ATP10B: variants seen among roughly 807,000 people sequenced by gnomAD.
ATP10B encodes phospholipid-transporting ATPase VB.
ATP10B carries 122 observed loss-of-function variants against 141.2 expected under a neutral mutation model. That is an observed-to-expected ratio of 0.86 (90% CI 0.75 to 1.00). The LOEUF (loss-of-function observed/expected upper bound fraction) is 1.00, where lower values mean the gene tolerates loss of function less well. ATP10B is among the 50% of genes least tolerant of loss of function. The pLI is 0.00. For missense variants in ATP10B, 1,876 were observed against 1,825.3 expected, an observed-to-expected ratio of 1.03 and a Z score of -0.51; for synonymous variants, 685 against 692.0, an observed-to-expected ratio of 0.99 and a Z score of 0.16.
intron 2 of ATP10B, among the ~76,000 whole-genome samples, chr5:160,736,524 G>T (rs573143781): frequency 6.6e-6 from 1 of 152,340 alleles, no homozygotes; most frequent in African/African-American, 2.4e-5. Flanking sequence ...AGCACTTTGG[G>T]AGGCCAAGGC....
chr5:160,778,535 A>G (rs1158965121), intron 2 of ATP10B, among the ~76,000 whole-genome samples: 1 of 152,186 alleles, frequency 6.6e-6, no homozygotes, highest in East Asian at 1.9e-4. Context: ...ACTCTATCCC[A>G]TAAGCCCACT....
chr5:160,623,500 AT>A (rs1259242457), intron 13 of ATP10B, among the ~76,000 whole-genome samples: 1 of 151,016 alleles, frequency 6.6e-6, no homozygotes, highest in African/African-American at 2.4e-5. Flanking sequence ...ATTTTTCAAG[AT>A]AAAGCAAAGA....
At chr5:160,830,217 C>G (rs980384095) in intron 1 of ATP10B, among the ~76,000 whole-genome samples, 1 of 152,012 alleles carries the variant, frequency 6.6e-6, no homozygotes, top group African/African-American at 2.4e-5. Context: ...GCTTTTAATT[C>G]TGTTTATGTG....
intron 2 of ATP10B, among the ~76,000 whole-genome samples, chr5:160,760,956 AG>A (rs1175947682): frequency 6.6e-6 from 1 of 152,146 alleles, no homozygotes; most frequent in Non-Finnish European, 1.5e-5. Context: ...AAGATAAAAG[AG>A]ATACTCTCTT....
At chr5:160,796,990 A>G (rs1053163546) in intron 1 of ATP10B, among the ~76,000 whole-genome samples, 7 of 152,202 alleles carry the variant, frequency 4.6e-5, no homozygotes, top group Non-Finnish European at 8.8e-5. Context: ...GCAGGAATCT[A>G]GAGAAAACTT....
chr5:160,667,650 G>A (rs983978616), intron 7 of ATP10B, among the ~76,000 whole-genome samples: 9 of 152,106 alleles, frequency 5.9e-5, no homozygotes, highest in African/African-American at 1.9e-4. Context: ...AGAACTGAGG[G>A]TTAGGGTTGG....
intron 1 of ATP10B, among the ~76,000 whole-genome samples, chr5:160,803,501 C>A (rs1425496944): frequency 6.6e-6 from 1 of 152,020 alleles, no homozygotes; most frequent in Non-Finnish European, 1.5e-5. Context: ...CATGGTGAAA[C>A]CCCGTCCCTA....
intron 1 of ATP10B, among the ~76,000 whole-genome samples, chr5:160,830,700 C>G (rs1775008119): frequency 6.6e-6 from 1 of 151,788 alleles, no homozygotes; most frequent in Non-Finnish European, 1.5e-5. Flanking sequence ...GTTCCATTAT[C>G]TGTAGAGTAG....
rs189100489 is a variant in ATP10B at position 160,850,055 on chromosome 5, A to G, written c.-576+1886T>C. Among the ~76,000 whole-genome samples the G allele has an allele frequency of 2.0e-3, 308 of 152,246 alleles. 1 individual carries two copies. Among genetic ancestry groups the G allele is most frequent in the Non-Finnish European group, 2.8e-3 (191 of 68,020 alleles). ...AGTTTTAGTTTACTTTTGAGTCACA[A>G]AAGAAATTTTCATTCCCTTCTGACA... On this transcript the variant is annotated intron_variant, in intron 1 of 25. Coordinates refer to ENST00000327245, the MANE Select transcript of ATP10B (RefSeq NM_025153.3).
At chr5:160,572,746 T>C (rs1277610131) in intron 24 of ATP10B, among the ~76,000 whole-genome samples, 1 of 152,212 alleles carries the variant, frequency 6.6e-6, no homozygotes, top group Non-Finnish European at 1.5e-5. Context: ...TTGGAAAATA[T>C]CTTGGACTAG....
At chr5:160,903,013 T>C in the ATP10B span, among the ~76,000 whole-genome samples, 1 of 152,126 alleles carries the variant, frequency 6.6e-6, no homozygotes, top group South Asian at 2.1e-4. Context: ...AGAAGAGAAA[T>C]GTCAGCAACT....
the ATP10B span, among the ~76,000 whole-genome samples, chr5:160,861,512 G>T: frequency 2.0e-5 from 3 of 151,848 alleles, no homozygotes; most frequent in African/African-American, 7.2e-5. Context: ...ACAAAAGGGG[G>T]TCACAAAATA....
chr5:160,616,061 G>A, intron 16 of ATP10B, 97 bp from the exon 17 acceptor site: 1 of 1,377,136 alleles, frequency 7.3e-7, no homozygotes, highest in Non-Finnish European at 9.7e-7. Context: ...TGGCCTGTTT[G>A]AACTTCCCTA....
chr5:160,575,508 C>A (rs1421972301), intron 24 of ATP10B, among the ~76,000 whole-genome samples: 1 of 152,126 alleles, frequency 6.6e-6, no homozygotes, highest in Admixed American at 6.6e-5. Context: ...TATACATTCT[C>A]TACCTGGCCA....
the ATP10B span, among the ~76,000 whole-genome samples, chr5:160,873,425 C>T: frequency 1.3e-5 from 2 of 152,114 alleles, no homozygotes. Flanking sequence ...AAAAGGTACA[C>T]AGGTTAGGAA....
intron 1 of ATP10B, among the ~76,000 whole-genome samples, chr5:160,831,843 A>G (rs1775101990): frequency 6.6e-6 from 1 of 152,152 alleles, no homozygotes. Context: ...CTTGATCAAG[A>G]TGTGTGGAAA....
intron 7 of ATP10B, among the ~76,000 whole-genome samples, chr5:160,662,322 G>C (rs1761991907): frequency 1.3e-5 from 2 of 152,290 alleles, no homozygotes; most frequent in East Asian, 1.9e-4. Flanking sequence ...AACCAAAAAA[G>C]AGCCCGCATT....
intron 17 of ATP10B, among the ~76,000 whole-genome samples, chr5:160,613,409 G>A (rs966061153): frequency 6.6e-6 from 1 of 152,204 alleles, no homozygotes; most frequent in African/African-American, 2.4e-5. Context: ...GCAGAGCCTT[G>A]TCAGGGCCTC....
At chr5:160,655,428 T>C (rs1761424020) in intron 7 of ATP10B, among the ~76,000 whole-genome samples, 1 of 152,268 alleles carries the variant, frequency 6.6e-6, no homozygotes, top group Admixed American at 6.5e-5. Context: ...CCTAGATCTG[T>C]GCATCCTCTG....
Sources: allele counts gnomAD v4.1 joint callset (sites outside exome capture counted in the v4.1 genomes callset), GRCh38; gene constraint gnomAD v4.1.1; transcripts MANE v1.5; gene names NCBI Gene and HGNC (gene_info 2026-07-23, HGNC 2026-07-21).